The following SLC16A9 variants were observed in gnomAD, a reference collection of about 807,000 sequenced individuals.
The protein encoded by SLC16A9 is solute carrier family 16 member 9.
In SLC16A9, 26 loss-of-function variants were observed where a neutral mutation model predicts 44.3. That is an observed-to-expected ratio of 0.59 (90% CI 0.43 to 0.81). The LOEUF (loss-of-function observed/expected upper bound fraction) is 0.81. SLC16A9 is among the 40% of genes least tolerant of loss of function. The pLI, the probability that SLC16A9 is intolerant of heterozygous loss-of-function variation, is 0.00. For missense variants in SLC16A9, 559 were observed against 595.8 expected (o/e 0.94, Z 0.64); for synonymous variants, 230 against 225.1 (o/e 1.02, Z -0.19).
chr10:59,693,951 AT>A (rs1840310648), intron 1 of SLC16A9, among the ~76,000 whole-genome samples: 2 of 144,906 alleles, frequency 1.4e-5, no homozygotes, highest in Admixed American at 1.4e-4. Context: ...TTATTTATTT[AT>A]TTTGAGATGG....
chr10:59,698,411 C>G (rs944512574), intron 1 of SLC16A9, among the ~76,000 whole-genome samples: 1 of 152,170 alleles, frequency 6.6e-6, no homozygotes, highest in Admixed American at 6.5e-5. Flanking sequence ...CACACTTTAA[C>G]GTGGCAAATC....
At chr10:59,653,504 T>G (rs1455360109) in intron 5 of SLC16A9, among the ~76,000 whole-genome samples, 171 bp downstream of exon 5, 3 of 148,626 alleles carry the variant, frequency 2.0e-5, no homozygotes, top group Non-Finnish European at 4.5e-5. Flanking sequence ...AGCATGCATA[T>G]TCGCTTTCTC....
intron 1 of SLC16A9, among the ~76,000 whole-genome samples, chr10:59,690,540 G>A (rs1184993967): frequency 6.6e-6 from 1 of 152,152 alleles, no homozygotes; most frequent in African/African-American, 2.4e-5. Flanking sequence ...TCATAGAAGG[G>A]CGGCCAAGGC....
At chr10:59,682,879 TA>T (rs78758931) in intron 2 of SLC16A9, among the ~76,000 whole-genome samples, 20,404 of 150,952 alleles carry the variant, frequency 0.14, 1,412 homozygotes, top group East Asian at 0.22. Context: ...ATGGCTATAT[TA>T]TTTTTTTTTG....
intron 1 of SLC16A9, among the ~76,000 whole-genome samples, chr10:59,685,463 A>G (rs893950987): frequency 6.6e-6 from 1 of 152,218 alleles, no homozygotes; most frequent in African/African-American, 2.4e-5. Flanking sequence ...ACTCAAGTAT[A>G]GATTTCCCTT....
chr10:59,670,410 C>T (rs79204631), intron 3 of SLC16A9, among the ~76,000 whole-genome samples: 4,572 of 152,212 alleles, frequency 0.03, 217 homozygotes, highest in African/African-American at 0.1. Flanking sequence ...TCCTATAAGA[C>T]GGGTGCTATT....
chr10:59,662,633 C>CAAAAAAAAAAAAAAAAAAAAAAAA (rs71006278), intron 4 of SLC16A9, among the ~76,000 whole-genome samples: 1 of 43,632 alleles, frequency 2.3e-5, no homozygotes, highest in Non-Finnish European at 4.1e-5. Context: ...AACTCCATCT[C>CAAAAAAAAAAAAAAAAAAAAAAAA]AAAAAAAAAA....
At chr10:59,657,699 G>A (rs57091399) in intron 4 of SLC16A9, among the ~76,000 whole-genome samples, 11,731 of 152,238 alleles carry the variant, frequency 0.077, 633 homozygotes, top group African/African-American at 0.13. Context: ...GGACATTAGG[G>A]AAACCTAGGT....
chr10:59,685,835 G>C lies in SLC16A9; in HGVS notation c.-36-1508C>G, dbSNP rs540295922. On this transcript the variant is annotated intron_variant, in intron 1 of 5. Coordinates refer to ENST00000395348, the MANE Select transcript of SLC16A9 (RefSeq NM_194298.3). ...TGAGTTGGGAGGATCATTGAGGCCA[G>C]GTATTACCAAATTAAGTTCAAGAGC... is the stretch of plus-strand genomic sequence containing the variant. 4.6e-5 allele frequency among the ~76,000 whole-genome samples: 7 copies of C among 152,262 alleles called. No homozygotes were observed. In the South Asian group the frequency reaches 1.0e-3, roughly 23 times the overall value.
intron 4 of SLC16A9, among the ~76,000 whole-genome samples, chr10:59,659,268 C>T (rs1839418710): frequency 6.6e-6 from 1 of 152,174 alleles, no homozygotes; most frequent in South Asian, 2.1e-4. Context: ...TATTGAGAAA[C>T]CAGTACTTTA....
intron 1 of SLC16A9, among the ~76,000 whole-genome samples, chr10:59,705,540 T>C (rs1371274669): frequency 1.3e-5 from 2 of 152,172 alleles, no homozygotes; most frequent in Non-Finnish European, 2.9e-5. Context: ...TATTAATGAT[T>C]GCAACAGAGA....
chr10:59,690,481 G>A (rs982729754), intron 1 of SLC16A9, among the ~76,000 whole-genome samples: 8 of 152,190 alleles, frequency 5.3e-5, no homozygotes, highest in African/African-American at 1.9e-4. Flanking sequence ...GGGAGCAGGA[G>A]TGGAAGGGCC....
At chr10:59,675,893 G>A (rs955355942) in intron 2 of SLC16A9, among the ~76,000 whole-genome samples, 3 of 152,176 alleles carry the variant, frequency 2.0e-5, no homozygotes, top group African/African-American at 7.2e-5. Flanking sequence ...TGCCCACATG[G>A]CCCTCTTCCA....
At chr10:59,662,099 C>T (rs562219975) in intron 4 of SLC16A9, among the ~76,000 whole-genome samples, 29 of 152,078 alleles carry the variant, frequency 1.9e-4, no homozygotes, top group African/African-American at 5.8e-4. Context: ...ACTAAAACAC[C>T]GAAAGCAATG....
rs1839228431 is a variant in SLC16A9, at chr10:59,652,621, A to ATG, written c.*150_*151insCA. On this transcript the variant is annotated 3_prime_UTR_variant, in exon 6 of 6. Transcript: ENST00000395348. Reference sequence around the variant, plus strand: ...GCATACACTACATAAAAAATAGGATATATAAAAAAAAATAATTCATTCAGA... The same window carrying ATG: ...GCATACACTACATAAAAAATAGGATATGTATAAAAAAAAATAATTCATTCAGA... 1.1e-5 allele frequency: 7 copies of ATG among 660,004 alleles called. No homozygotes were observed. In the African/African-American group the frequency reaches 1.1e-4, roughly 11 times the overall value. 40.9% of individuals were successfully genotyped at this position (660,004 alleles called of 1,614,324 possible).
rs757985427 is a variant in SLC16A9, at chr10:59,653,728, C to A, written c.1298G>T (p.Gly433Val). 3.7e-6 allele frequency: 6 copies of A among 1,613,918 alleles called. 1 individual carries two copies. The highest frequency in any genetic ancestry group is 5.1e-6 in the Non-Finnish European group (6 of 1,180,020). Residue 433 changes from glycine to valine, a missense_variant, in exon 5 of 6, where the codon GGG becomes GTG. Physicochemically the swap from Gly to Val is moderately radical, Grantham distance 109. Coordinates refer to ENST00000395348, the MANE Select transcript of SLC16A9 (RefSeq NM_194298.3). ...VGIEKLAHAY[G>V]ILMFFAGLGN... ...AAGTCCAGCAAAGAACATTAATATCCCATAGGCATGGGCTAATTTTTCAAT... is the reference window on the plus strand; with the variant it reads ...AAGTCCAGCAAAGAACATTAATATCACATAGGCATGGGCTAATTTTTCAAT...
intron 4 of SLC16A9, 54 bp from the exon 5 acceptor site, chr10:59,654,643 G>A: frequency 1.4e-6 from 2 of 1,399,910 alleles, no homozygotes; most frequent in Non-Finnish European, 1.9e-6. Flanking sequence ...CTCAGGATTA[G>A]AATTTGTAAT....
At chr10:59,702,944 C>A (rs1485814040) in intron 1 of SLC16A9, among the ~76,000 whole-genome samples, 4 of 152,090 alleles carry the variant, frequency 2.6e-5, no homozygotes, top group Non-Finnish European at 5.9e-5. Flanking sequence ...TGTCTGAACA[C>A]CATCAGCCAA....
chr10:59,652,735 G>T lies in SLC16A9; in HGVS notation c.*37C>A. 1.9e-6 allele frequency: 3 copies of T among 1,562,532 alleles called. No individual in the cohort carries two copies. Among genetic ancestry groups the T allele is most frequent in the Non-Finnish European group, 2.6e-6 (3 of 1,151,214 alleles). ...TCTGTTAAAATATCGTTGCTATATGGTATAAAATAGCAAAAATAGTGTCTT... is the reference window on the plus strand; with the variant it reads ...TCTGTTAAAATATCGTTGCTATATGTTATAAAATAGCAAAAATAGTGTCTT... On this transcript the variant is annotated 3_prime_UTR_variant, in exon 6 of 6. Coordinates refer to ENST00000395348, the MANE Select transcript of SLC16A9 (RefSeq NM_194298.3).
Sources: gnomAD v4.1 joint callset for allele counts (sites outside exome capture counted in the v4.1 genomes callset) on GRCh38, gnomAD v4.1.1 for gene constraint, MANE v1.5 for transcripts, NCBI Gene and HGNC (gene_info 2026-07-23, HGNC 2026-07-21) for gene names.